The following ULK4 variants were observed in gnomAD, a reference collection of about 807,000 sequenced individuals.
ULK4 encodes the protein unc-51 like kinase 4.
A neutral mutation model predicts 160.6 loss-of-function variants in ULK4; 133 were observed. The observed-to-expected ratio is 0.83, with a 90% CI of 0.72 to 0.96. ULK4 has a LOEUF of 0.96. ULK4 is among the 40% of genes least tolerant of loss of function. The probability of loss-of-function intolerance (pLI) is 0.00; values close to 1 mark genes in which losing one functional copy is unlikely to be tolerated. For synonymous variants in ULK4, 534 were observed against 539.8 expected (o/e 0.99, Z 0.15); for missense variants, 1,580 against 1,499.5 (o/e 1.05, Z -0.89).
intron 21 of ULK4, among the ~76,000 whole-genome samples, chr3:41,769,380 G>C (rs2039275951): frequency 6.6e-6 from 1 of 152,180 alleles, no homozygotes; most frequent in African/African-American, 2.4e-5. Context: ...CAAAGACTTA[G>C]TGCCAAAGAT....
At chr3:41,303,881 G>C (rs2079847198) in intron 35 of ULK4, among the ~76,000 whole-genome samples, 1 of 152,144 alleles carries the variant, frequency 6.6e-6, no homozygotes, top group Non-Finnish European at 1.5e-5. Context: ...GCAACCAAAA[G>C]GTGTTCAGAG....
chr3:41,250,668 A>C lies in ULK4; in HGVS notation c.3679-1094T>G, dbSNP rs904412454. On this transcript the variant is annotated intron_variant, in intron 35 of 36. Transcript: ENST00000301831. Reference sequence around the variant, plus strand: ...CTCATGATAGGTCACAGGGGTAACTAAACATTAACATGAACTCTGAATTAT... The same window carrying C: ...CTCATGATAGGTCACAGGGGTAACTCAACATTAACATGAACTCTGAATTAT... Among the ~76,000 whole-genome samples the C allele has an allele frequency of 9.3e-4, 142 of 152,216 alleles. 3 individuals carry two copies. The highest frequency in any genetic ancestry group is 2.4e-4 in the Non-Finnish European group (16 of 68,038).
At chr3:41,958,241 AAT>A (rs1700548777) in intron 1 of ULK4, among the ~76,000 whole-genome samples, 1 of 152,210 alleles carries the variant, frequency 6.6e-6, no homozygotes, top group Non-Finnish European at 1.5e-5. Context: ...AGCAAAATGT[AAT>A]ATATTTTGCT....
chr3:41,374,660 G>A (rs1045503191), intron 35 of ULK4, among the ~76,000 whole-genome samples: 1 of 152,170 alleles, frequency 6.6e-6, no homozygotes, highest in Non-Finnish European at 1.5e-5. Context: ...AGCTATTTAT[G>A]ACAAACCCAC....
intron 32 of ULK4, among the ~76,000 whole-genome samples, chr3:41,479,609 G>T (rs1192901787): frequency 6.6e-6 from 1 of 152,170 alleles, no homozygotes; most frequent in Admixed American, 6.5e-5. Context: ...AGACTTGCAG[G>T]TGGGATTTGA....
intron 35 of ULK4, among the ~76,000 whole-genome samples, chr3:41,372,016 G>A (rs901454302): frequency 5.9e-5 from 9 of 151,492 alleles, no homozygotes; most frequent in East Asian, 5.9e-4. Context: ...ATCAATAACC[G>A]AATCAATCAA....
chr3:41,496,682 C>G (rs1167147015), intron 32 of ULK4, among the ~76,000 whole-genome samples: 1 of 152,088 alleles, frequency 6.6e-6, no homozygotes, highest in Non-Finnish European at 1.5e-5. Context: ...GAAGCATGAT[C>G]GAGAACAGCC....
At chr3:41,931,772 T>C in intron 5 of ULK4, 72 bp downstream of exon 5, 1 of 1,530,242 alleles carries the variant, frequency 6.5e-7, no homozygotes, top group Non-Finnish European at 8.9e-7. Flanking sequence ...AGACTGACAT[T>C]GTCTCCTAAA....
At chr3:41,722,756 TTTTC>T (rs1377155402) in intron 22 of ULK4, among the ~76,000 whole-genome samples, 2 of 152,212 alleles carry the variant, frequency 1.3e-5, no homozygotes, top group African/African-American at 2.4e-5. Flanking sequence ...AATAGAAACA[TTTTC>T]TTTAAGGAAA....
chr3:41,319,582 G>A (rs541435296), intron 35 of ULK4, among the ~76,000 whole-genome samples: 24 of 152,336 alleles, frequency 1.6e-4, no homozygotes, highest in Middle Eastern at 3.4e-3. Context: ...CATGGTCAAA[G>A]TAGGATACCA....
At chr3:41,671,584 C>A (rs1373287159) in intron 29 of ULK4, among the ~76,000 whole-genome samples, 2 of 151,626 alleles carry the variant, frequency 1.3e-5, no homozygotes, top group Non-Finnish European at 3.0e-5. Flanking sequence ...TATATAATCA[C>A]AATAAAGACA....
intron 30 of ULK4, among the ~76,000 whole-genome samples, chr3:41,635,881 A>G (rs1432097373): frequency 2.6e-5 from 4 of 152,202 alleles, no homozygotes; most frequent in East Asian, 1.9e-4. Flanking sequence ...TTAAAAATAT[A>G]TGAAAAACAT....
At chr3:41,777,848 T>A (rs544278212) in intron 21 of ULK4, among the ~76,000 whole-genome samples, 1 of 142,996 alleles carries the variant, frequency 7.0e-6, no homozygotes, top group African/African-American at 2.6e-5. Flanking sequence ...TCCAACTACA[T>A]GGTCAATTTA....
intron 7 of ULK4, 54 bp from the exon 8 acceptor site, chr3:41,916,106 T>C (rs1438828484): frequency 8.7e-7 from 1 of 1,144,842 alleles, no homozygotes; most frequent in Non-Finnish European, 1.3e-6. Flanking sequence ...TACATATCAA[T>C]TTTATTTTTA....
chr3:41,904,623 A>T (rs1282553077), intron 12 of ULK4, among the ~76,000 whole-genome samples: 1 of 152,178 alleles, frequency 6.6e-6, no homozygotes, highest in East Asian at 1.9e-4. Flanking sequence ...TCTATTTCAC[A>T]TAACCAAAAA....
chr3:41,680,264 A>T (rs368019151), intron 29 of ULK4, among the ~76,000 whole-genome samples: 2 of 152,226 alleles, frequency 1.3e-5, no homozygotes, highest in East Asian at 3.8e-4. Context: ...CAAACTCCAC[A>T]TGACAAAGTT....
intron 32 of ULK4, among the ~76,000 whole-genome samples, chr3:41,492,363 T>G (rs1209930646): frequency 6.6e-6 from 1 of 151,520 alleles, no homozygotes; most frequent in Non-Finnish European, 1.5e-5. Context: ...GTAAAAGTGT[T>G]CCTATTTCTC....
rs57936903 is a variant in ULK4, at chr3:41,351,290, G to A, written c.3678+46789C>T. ...ATATGACTTCTGTGGGATTGGTAGT[G>A]GATGGCCTAGTGCCAGAGCATGTGA... On this transcript the variant is annotated intron_variant, in intron 35 of 36. Transcript: ENST00000301831. Among the ~76,000 whole-genome samples, 391 of 152,272 alleles carry A rather than the reference G, an allele frequency of 2.6e-3. 2 individuals are homozygous for A. Among genetic ancestry groups the A allele is most frequent in the African/African-American group, 9.1e-3 (378 of 41,536 alleles).
intron 32 of ULK4, among the ~76,000 whole-genome samples, chr3:41,536,623 A>G (rs1047152601): frequency 2.6e-5 from 4 of 152,220 alleles, no homozygotes; most frequent in African/African-American, 9.6e-5. Flanking sequence ...AAGCTAGAGA[A>G]AAGAAAATGT....
Sources: allele counts gnomAD v4.1 joint callset (sites outside exome capture counted in the v4.1 genomes callset), GRCh38; gene constraint gnomAD v4.1.1; transcripts MANE v1.5; gene names NCBI Gene and HGNC (gene_info 2026-07-23, HGNC 2026-07-21).